The following DMD variants were observed in gnomAD, a reference collection of about 807,000 sequenced individuals.
The protein encoded by DMD is dystrophin, also known as mutant dystrophin.
DMD carries 63 observed loss-of-function variants against 330.1 expected under a neutral mutation model. The ratio of observed to expected loss-of-function variants is 0.19; its 90% confidence interval spans 0.16 to 0.24. The LOEUF (loss-of-function observed/expected upper bound fraction) is 0.24, where lower values mean the gene tolerates loss of function less well. DMD is among the 10% of genes least tolerant of loss of function. The pLI is 1.00. For missense variants in DMD, 3,344 were observed against 2,684.1 expected (o/e 1.25, Z -5.43); for synonymous variants, 1,223 against 959.8 (o/e 1.27, Z -5.07).
rs1410423494 is a variant in DMD, at chrX:33,034,391, G to A, written c.32-14191C>T. The stretch of plus-strand genomic sequence containing the variant: ...GTTTTAGCTTTGAACCTGCCTATCT[G>A]GGTTCGAAAGGTAGTTCTGCTACTT... On this transcript the variant is annotated intron_variant, in intron 1 of 78. Coordinates refer to ENST00000357033, the MANE Select transcript of DMD (RefSeq NM_004006.3). Among the ~76,000 whole-genome samples the A allele has an allele frequency of 2.7e-5, 3 of 111,308 alleles. No homozygotes were observed. In the East Asian group the frequency reaches 8.5e-4, roughly 31 times the overall value.
chrX:31,926,823 T>C (rs1361029624), intron 47 of DMD, among the ~76,000 whole-genome samples: 3 of 111,840 alleles, frequency 2.7e-5, no homozygotes, highest in Non-Finnish European at 5.6e-5. Context: ...GGAGATACTA[T>C]GTACTAAGGA....
intron 2 of DMD, among the ~76,000 whole-genome samples, chrX:32,897,095 GT>G (rs145610684): frequency 1.6e-4 from 18 of 109,374 alleles, no homozygotes; most frequent in African/African-American, 5.0e-4. Flanking sequence ...CATTTTATGC[GT>G]TTTTTTTATT....
chrX:31,315,071 A>C (rs1488816352), intron 62 of DMD, among the ~76,000 whole-genome samples: 1 of 112,193 alleles, frequency 8.9e-6, no homozygotes, highest in Non-Finnish European at 1.9e-5. Flanking sequence ...GCTGCTTCCC[A>C]GGGGAACAGA....
intron 55 of DMD, among the ~76,000 whole-genome samples, chrX:31,616,698 T>C (rs953336266): frequency 1.4e-4 from 16 of 112,078 alleles, no homozygotes; most frequent in African/African-American, 4.9e-4. Flanking sequence ...TAAGCTATGT[T>C]TTAGGAAGCT....
chrX:32,391,321 T>C (rs1009472241), intron 30 of DMD, among the ~76,000 whole-genome samples: 2 of 111,430 alleles, frequency 1.8e-5, no homozygotes, highest in African/African-American at 6.5e-5. Context: ...TTGGAGTAAA[T>C]TCTGATACAT....
At chrX:32,420,698 A>C (rs951602924) in intron 29 of DMD, among the ~76,000 whole-genome samples, 2 of 112,033 alleles carry the variant, frequency 1.8e-5, no homozygotes. Context: ...AAAGAAACTC[A>C]ACACAGCATC....
At chrX:32,535,002 T>C (rs1446924455) in intron 17 of DMD, among the ~76,000 whole-genome samples, 2 of 111,657 alleles carry the variant, frequency 1.8e-5, no homozygotes, top group African/African-American at 3.3e-5. Flanking sequence ...AATGTGGTCA[T>C]GGGAAGATAC....
chrX:32,539,358 T>C (rs2048290773), intron 17 of DMD, among the ~76,000 whole-genome samples: 1 of 110,943 alleles, frequency 9.0e-6, no homozygotes, highest in African/African-American at 3.3e-5. Context: ...TTTCTGGACC[T>C]CAATTAACCT....
intron 44 of DMD, among the ~76,000 whole-genome samples, chrX:32,015,464 G>A (rs183741104): frequency 4.5e-5 from 5 of 110,940 alleles, no homozygotes; most frequent in African/African-American, 9.8e-5. Flanking sequence ...AAAGACTGCC[G>A]GGCTACACCC....
rs773939250 is a variant in DMD at position 31,289,251 on chromosome X, C to CAAAAAAAAAAA, written c.9225-28246_9225-28236dup. On this transcript the variant is annotated intron_variant, in intron 62 of 78. Coordinates refer to ENST00000357033, the MANE Select transcript of DMD (RefSeq NM_004006.3). Reference sequence around the variant, plus strand: ...CTGCACTCCAGCCTGGGTGACAGAGCAAAAAAAAAAAAAATAAAAAATAAA... The same window carrying CAAAAAAAAAAA: ...CTGCACTCCAGCCTGGGTGACAGAGCAAAAAAAAAAAAAAAAAAAAAAAAATAAAAAATAAA... Among the ~76,000 whole-genome samples, 234 of 23,435 alleles carry CAAAAAAAAAAA rather than the reference C, an allele frequency of 1.0e-2. 10 individuals are homozygous for CAAAAAAAAAAA. Among genetic ancestry groups the CAAAAAAAAAAA allele is most frequent in the Non-Finnish European group, 0.013 (163 of 12,584 alleles). The allele number at this position is 23,435 out of a possible 115,157, so 20.4% of individuals were successfully genotyped here. A position where few individuals can be genotyped will look rare whatever the true frequency, so the allele number is the denominator to read the frequency against.
intron 41 of DMD, among the ~76,000 whole-genome samples, chrX:32,311,215 C>T (rs1174052852): frequency 9.0e-6 from 1 of 111,288 alleles, no homozygotes; most frequent in Admixed American, 9.6e-5. Flanking sequence ...TGCCACCTGC[C>T]TGTTGATGAG....
intron 2 of DMD, among the ~76,000 whole-genome samples, chrX:33,010,066 ATACACAAATGTG>A (rs1200522890): frequency 1.2e-4 from 7 of 60,864 alleles, no homozygotes; most frequent in African/African-American, 2.8e-4. Context: ...ACGTGTATAT[ATACACAAATGTG>A]CACATGTGTA....
intron 17 of DMD, among the ~76,000 whole-genome samples, chrX:32,536,709 T>C (rs963518958): frequency 8.9e-6 from 1 of 112,063 alleles, no homozygotes; most frequent in Non-Finnish European, 1.9e-5. Context: ...ATCTCAATTG[T>C]GGACTGGTAC....
intron 47 of DMD, among the ~76,000 whole-genome samples, chrX:31,889,164 T>C: frequency 8.9e-6 from 1 of 112,149 alleles, no homozygotes; most frequent in Admixed American, 9.5e-5. Flanking sequence ...GTACAATAAA[T>C]AGGTTGGCAG....
At position 32,146,685 on chromosome X, in the gene DMD, T is replaced by A. The variant is rs1359820283; in HGVS notation, c.6438+70231A>T. ...AATCTGTCACATATTTCTATACAGT[T>A]TTTAAATTCATAGATTAGATGTAGC... On this transcript the variant is annotated intron_variant, in intron 44 of 78. Transcript: ENST00000357033. Among the ~76,000 whole-genome samples, 6 of 112,197 alleles carry A rather than the reference T, an allele frequency of 5.3e-5. No individual in the cohort carries two copies. The East Asian group carries it at 1.7e-3, about 31-fold the overall frequency.
chrX:32,859,715 CTTTTGACTAT>C (rs1355988145), intron 2 of DMD, among the ~76,000 whole-genome samples: 1 of 111,080 alleles, frequency 9.0e-6, no homozygotes, highest in Non-Finnish European at 1.9e-5. Flanking sequence ...TTTTCTTGTT[CTTTTGACTAT>C]TTTTAAGTAT....
At chrX:32,191,176 A>G (rs1263307598) in intron 44 of DMD, among the ~76,000 whole-genome samples, 2 of 111,494 alleles carry the variant, frequency 1.8e-5, no homozygotes, top group African/African-American at 6.5e-5. Flanking sequence ...TGTTGAGTCA[A>G]ATGTCACCCC....
At chrX:33,163,417 TC>T (rs2048867678) in intron 1 of DMD, among the ~76,000 whole-genome samples, 1 of 108,729 alleles carries the variant, frequency 9.2e-6, no homozygotes, top group Non-Finnish European at 1.9e-5. Flanking sequence ...ACGACTGTAG[TC>T]CCAGGTACCT....
intron 1 of DMD, among the ~76,000 whole-genome samples, chrX:33,120,927 T>A (rs1418786630): frequency 9.3e-6 from 1 of 107,585 alleles, no homozygotes; most frequent in Non-Finnish European, 1.9e-5. Context: ...GGGGTTATTA[T>A]TAGGGGCTAT....
Sources: allele counts gnomAD v4.1 joint callset (sites outside exome capture counted in the v4.1 genomes callset), GRCh38; gene constraint gnomAD v4.1.1; transcripts MANE v1.5; gene names NCBI Gene and HGNC (gene_info 2026-07-23, HGNC 2026-07-21).